SPAG16: variants seen among roughly 807,000 people sequenced by gnomAD.
SPAG16 encodes the protein sperm-associated antigen 16 protein.
A neutral mutation model predicts 80.4 loss-of-function variants in SPAG16; 86 were observed. The observed-to-expected ratio is 1.07, with a 90% CI of 0.90 to 1.28. The LOEUF (loss-of-function observed/expected upper bound fraction) is 1.28, where lower values mean the gene tolerates loss of function less well. SPAG16 is among the 50% of genes most tolerant of loss of function. The pLI, the probability that SPAG16 is intolerant of heterozygous loss-of-function variation, is 0.00. For missense variants in SPAG16, 870 were observed against 765.3 expected, an observed-to-expected ratio of 1.14 and a Z score of -1.61; for synonymous variants, 294 against 265.9, an observed-to-expected ratio of 1.11 and a Z score of -1.03.
chr2:214,109,335 A>T (rs2053555095), intron 14 of SPAG16, among the ~76,000 whole-genome samples: 1 of 152,166 alleles, frequency 6.6e-6, no homozygotes, highest in South Asian at 2.1e-4. Flanking sequence ...TCTCAGATGA[A>T]AGAGATTTGA....
intron 12 of SPAG16, among the ~76,000 whole-genome samples, chr2:214,007,475 C>G (rs77050406): frequency 0.025 from 3,806 of 152,042 alleles, 161 homozygotes; most frequent in African/African-American, 0.087. Context: ...GGTATACATT[C>G]TTTTTGTATG....
chr2:214,325,547 T>C (rs1039282509), intron 15 of SPAG16, among the ~76,000 whole-genome samples: 3 of 152,186 alleles, frequency 2.0e-5, no homozygotes, highest in African/African-American at 7.2e-5. Context: ...GATAATATCT[T>C]CTTAATCTAG....
chr2:214,175,010 C>A (rs1384491418), intron 15 of SPAG16, among the ~76,000 whole-genome samples: 1 of 151,444 alleles, frequency 6.6e-6, no homozygotes, highest in Admixed American at 6.6e-5. Flanking sequence ...CAGTCTGAAT[C>A]TTCAGTGGAG....
At chr2:213,959,831 T>A (rs1418713195) in intron 12 of SPAG16, among the ~76,000 whole-genome samples, 1 of 152,162 alleles carries the variant, frequency 6.6e-6, no homozygotes, top group Non-Finnish European at 1.5e-5. Flanking sequence ...AAACCTAACC[T>A]TCCTCCCATT....
chr2:213,676,786 A>G (rs1174097845), intron 10 of SPAG16, among the ~76,000 whole-genome samples: 1 of 150,584 alleles, frequency 6.6e-6, no homozygotes, highest in African/African-American at 2.5e-5. Flanking sequence ...TCGGTTTGCC[A>G]GTATTTTATT....
chr2:213,998,305 T>C (rs2046623156), intron 12 of SPAG16, among the ~76,000 whole-genome samples: 1 of 152,104 alleles, frequency 6.6e-6, no homozygotes. Flanking sequence ...GAGGACCAGG[T>C]GGGAGATAAT....
At chr2:214,255,513 C>A (rs915343173) in intron 15 of SPAG16, among the ~76,000 whole-genome samples, 7 of 151,950 alleles carry the variant, frequency 4.6e-5, no homozygotes, top group African/African-American at 1.7e-4. Flanking sequence ...AATTGACTTG[C>A]AGGTATCAAT....
At chr2:213,320,193 G>A (rs771585463) in intron 5 of SPAG16, among the ~76,000 whole-genome samples, 9 of 151,776 alleles carry the variant, frequency 5.9e-5, no homozygotes, top group Admixed American at 2.0e-4. Flanking sequence ...GTTTTGTTTC[G>A]TTTTGTCAGT....
At chr2:213,916,150 GC>G (rs1322931146) in intron 11 of SPAG16, among the ~76,000 whole-genome samples, 2 of 152,140 alleles carry the variant, frequency 1.3e-5, no homozygotes, top group Non-Finnish European at 2.9e-5. Flanking sequence ...GGCTTTTGTT[GC>G]CATTGCTTTT....
At chr2:213,398,070 C>T (rs2068131433) in intron 9 of SPAG16, among the ~76,000 whole-genome samples, 1 of 152,130 alleles carries the variant, frequency 6.6e-6, no homozygotes, top group Non-Finnish European at 1.5e-5. Context: ...CTCTCTCTCA[C>T]ATCTCACATC....
At chr2:213,966,412 T>A (rs994540636) in intron 12 of SPAG16, among the ~76,000 whole-genome samples, 7 of 152,192 alleles carry the variant, frequency 4.6e-5, no homozygotes, top group African/African-American at 1.7e-4. Context: ...AAAACGTTAA[T>A]GTAATTTGTA....
At chr2:213,604,999 A>G (rs543334467) in intron 10 of SPAG16, among the ~76,000 whole-genome samples, 1 of 150,536 alleles carries the variant, frequency 6.6e-6, no homozygotes, top group East Asian at 1.9e-4. Flanking sequence ...GAGTTCTATT[A>G]TCTTTTTCGC....
chr2:214,072,354 T>A (rs1323301477), intron 13 of SPAG16, among the ~76,000 whole-genome samples: 1 of 152,184 alleles, frequency 6.6e-6, no homozygotes, highest in Non-Finnish European at 1.5e-5. Flanking sequence ...AATGTTGTAT[T>A]GTTTCAAAGT....
intron 15 of SPAG16, among the ~76,000 whole-genome samples, chr2:214,296,145 A>C (rs867697553): frequency 9.8e-5 from 15 of 152,308 alleles, no homozygotes; most frequent in Middle Eastern, 6.8e-3. Context: ...AGTTAGAATA[A>C]GTGATTTATG....
At chr2:213,327,486 G>A (rs772315754) in intron 5 of SPAG16, among the ~76,000 whole-genome samples, 2 of 152,010 alleles carry the variant, frequency 1.3e-5, no homozygotes, top group African/African-American at 2.4e-5. Context: ...AGCACAAATA[G>A]GCTTCTAATG....
chr2:214,101,346 G>A (rs1308995868), intron 13 of SPAG16, among the ~76,000 whole-genome samples: 34 of 151,994 alleles, frequency 2.2e-4, no homozygotes, highest in Non-Finnish European at 7.4e-5. Context: ...GTTGGAAGAT[G>A]GGTGTGGGGC....
intron 12 of SPAG16, among the ~76,000 whole-genome samples, chr2:213,968,882 G>A (rs911831641): frequency 1.3e-5 from 2 of 152,206 alleles, no homozygotes; most frequent in Non-Finnish European, 2.9e-5. Flanking sequence ...TATATTTAGT[G>A]CTTATTTTTA....
At chr2:213,772,824 A>G (rs572552445) in intron 10 of SPAG16, among the ~76,000 whole-genome samples, 42 of 152,272 alleles carry the variant, frequency 2.8e-4, no homozygotes, top group African/African-American at 9.9e-4. Flanking sequence ...ACATCTAACA[A>G]TATTGTCTTC....
At chr2:214,346,450 G>A (rs1480803835) in intron 15 of SPAG16, among the ~76,000 whole-genome samples, 1 of 152,072 alleles carries the variant, frequency 6.6e-6, no homozygotes, top group African/African-American at 2.4e-5. Context: ...CTATATCTTG[G>A]TGACAAGTTC....
Sources: allele counts gnomAD v4.1 joint callset (sites outside exome capture counted in the v4.1 genomes callset), GRCh38; gene constraint gnomAD v4.1.1; transcripts MANE v1.5; gene names NCBI Gene and HGNC (gene_info 2026-07-23, HGNC 2026-07-21).